The following TLK2 variants were observed in gnomAD, a reference collection of about 807,000 sequenced individuals.
TLK2 encodes the protein serine/threonine-protein kinase tousled-like 2.
Under a neutral mutation model 117.3 loss-of-function variants are expected in TLK2, and 6 were observed. The observed-to-expected ratio is 0.05, with a 90% CI of 0.03 to 0.10. TLK2 has a LOEUF of 0.10. Ranked by LOEUF, TLK2 falls within the 10% of genes least tolerant of loss-of-function variation. The probability of loss-of-function intolerance (pLI) is 1.00; values close to 1 mark genes in which losing one functional copy is unlikely to be tolerated. For missense variants in TLK2, 299 were observed against 901.2 expected (o/e 0.33, Z 8.56); for synonymous variants, 257 against 316.7 (o/e 0.81, Z 2.00).
chr17:62,481,110 T>C lies in TLK2; in HGVS notation c.-5-11T>C. The C allele has an allele frequency of 6.2e-7, 1 of 1,613,568 alleles. No homozygotes were observed. The highest frequency in any genetic ancestry group is 1.1e-5 in the South Asian group (1 of 91,010). On this transcript the variant is annotated splice_polypyrimidine_tract_variant and intron_variant, in intron 1 of 21. Transcript: ENST00000346027. The stretch of plus-strand genomic sequence containing the variant: ...TGTTTATGGTTTCACAGCCTACTTT[T>C]TCTTTTTCAGCAGAAATGATGGAAG...
Position 62,471,888 on chromosome 17 carries a change from C to CTTTTTTTTTTTTTTTTTTT in TLK2, c.-205+821_-205+839dup, listed in dbSNP as rs869092720. 2.1e-4 allele frequency among the ~76,000 whole-genome samples: 8 copies of CTTTTTTTTTTTTTTTTTTT among 37,778 alleles called. 4 individuals are homozygous for CTTTTTTTTTTTTTTTTTTT. Among genetic ancestry groups the CTTTTTTTTTTTTTTTTTTT allele is most frequent in the Non-Finnish European group, 2.6e-4 (6 of 22,926 alleles). 24.8% of individuals were successfully genotyped at this position (37,778 alleles called of 152,430 possible). A position where few individuals can be genotyped will look rare whatever the true frequency, so the allele number is the denominator to read the frequency against. The stretch of plus-strand genomic sequence containing the variant: ...GGCATGGAAGATTAGGTAGTATAGT[C>CTTTTTTTTTTTTTTTTTTT]TTTTTTTTTTTTTTTTTTTTTTTTT... On this transcript the variant is annotated intron_variant, in intron 1 of 4. Transcript: ENST00000579450.
At chr17:62,606,290 C>T (rs1276811248) in intron 20 of TLK2, 49 bp downstream of exon 20, 2 of 1,118,962 alleles carry the variant, frequency 1.8e-6, no homozygotes, top group Non-Finnish European at 2.6e-6. Context: ...TTGGGTGGCA[C>T]ACACACACAC....
chr17:62,585,415 G>T (rs2081540120), intron 15 of TLK2, among the ~76,000 whole-genome samples: 1 of 152,226 alleles, frequency 6.6e-6, no homozygotes, highest in Non-Finnish European at 1.5e-5. Flanking sequence ...GTGCGTGCCT[G>T]TAATCCCAGC....
At chr17:62,522,767 A>G in intron 4 of TLK2, among the ~76,000 whole-genome samples, 1 of 152,216 alleles carries the variant, frequency 6.6e-6, no homozygotes, top group East Asian at 1.9e-4. Flanking sequence ...GAAAGAAAAA[A>G]TGGCTTGGCT....
chr17:62,598,247 C>T (rs1598853597), intron 17 of TLK2, among the ~76,000 whole-genome samples: 2 of 151,214 alleles, frequency 1.3e-5, no homozygotes, highest in South Asian at 4.1e-4. Context: ...ACTAGGTAGA[C>T]CCCCCTCTCT....
chr17:62,525,499 A>C (rs2076313526), intron 6 of TLK2, among the ~76,000 whole-genome samples: 1 of 150,258 alleles, frequency 6.7e-6, no homozygotes, highest in Non-Finnish European at 1.5e-5. Flanking sequence ...CTCAGGCTAG[A>C]GTGCAGTGGT....
intron 2 of TLK2, among the ~76,000 whole-genome samples, chr17:62,490,688 C>T (rs565834827): frequency 2.6e-5 from 4 of 151,890 alleles, no homozygotes; most frequent in South Asian, 2.1e-4. Context: ...ACTATAGGCA[C>T]GCGCCACCGC....
Position 62,494,646 on chromosome 17 carries a change from C to G in TLK2, c.81+13440C>G, listed in dbSNP as rs547743529. On this transcript the variant is annotated intron_variant, in intron 2 of 21. Transcript: ENST00000346027. ...GGTGATCCACCCGTCTCAAGTGATT[C>G]ACCTGCCTTGGCCTCCCAAAGTGCT... is the stretch of plus-strand genomic sequence containing the variant. Among the ~76,000 whole-genome samples the G allele has an allele frequency of 4.0e-5, 6 of 151,794 alleles. No homozygotes were observed. In the East Asian group the frequency reaches 1.2e-3, roughly 30 times the overall value.
chr17:62,541,756 G>T (rs1369772224), intron 7 of TLK2, among the ~76,000 whole-genome samples: 3 of 23,972 alleles, frequency 1.3e-4, no homozygotes, highest in Non-Finnish European at 7.7e-4. Context: ...TTCCAGAGTA[G>T]CTGCAACTAG....
At chr17:62,472,977 C>T (rs2070969710) in intron 1 of TLK2, among the ~76,000 whole-genome samples, 1 of 152,160 alleles carries the variant, frequency 6.6e-6, no homozygotes, top group African/African-American at 2.4e-5. Context: ...ATTCACACAC[C>T]ACACCACAAA....
intron 2 of TLK2, among the ~76,000 whole-genome samples, chr17:62,496,410 A>T (rs1262072964): frequency 6.6e-6 from 1 of 152,170 alleles, no homozygotes; most frequent in Non-Finnish European, 1.5e-5. Flanking sequence ...ATTCAGATAC[A>T]TTTACAGGAT....
intron 2 of TLK2, among the ~76,000 whole-genome samples, chr17:62,491,201 A>G (rs1258632766): frequency 6.6e-6 from 1 of 152,288 alleles, no homozygotes; most frequent in East Asian, 1.9e-4. Context: ...TTCACTTCTC[A>G]TCTGCTTCCT....
chr17:62,528,063 T>C (rs2076500092), intron 6 of TLK2, among the ~76,000 whole-genome samples: 1 of 152,146 alleles, frequency 6.6e-6, no homozygotes, highest in African/African-American at 2.4e-5. Flanking sequence ...CTCATAAGAA[T>C]GGGGATTTTG....
At chr17:62,569,159 G>A (rs2080057995) in intron 11 of TLK2, among the ~76,000 whole-genome samples, 1 of 151,308 alleles carries the variant, frequency 6.6e-6, no homozygotes, top group Non-Finnish European at 1.5e-5. Context: ...ACAAAAATTA[G>A]CCGGGCATGG....
intron 7 of TLK2, among the ~76,000 whole-genome samples, chr17:62,549,255 C>T (rs1409791233): frequency 2.8e-4 from 41 of 146,470 alleles, no homozygotes; most frequent in Non-Finnish European, 4.2e-4. Context: ...AAAAATTACC[C>T]GGGAGTGGTG....
At chr17:62,534,636 T>C (rs1426267975) in intron 6 of TLK2, among the ~76,000 whole-genome samples, 2 of 152,116 alleles carry the variant, frequency 1.3e-5, no homozygotes, top group Non-Finnish European at 2.9e-5. Context: ...CTTGGTTTCC[T>C]TTGTGAATGG....
At chr17:62,518,892 T>A (rs1166006865) in intron 2 of TLK2, among the ~76,000 whole-genome samples, 1 of 152,182 alleles carries the variant, frequency 6.6e-6, no homozygotes, top group Non-Finnish European at 1.5e-5. Flanking sequence ...ACTGTTTTGT[T>A]TTGAGACAAG....
chr17:62,483,773 G>T (rs1598111095), intron 2 of TLK2, among the ~76,000 whole-genome samples: 1 of 152,066 alleles, frequency 6.6e-6, no homozygotes, highest in Non-Finnish European at 1.5e-5. Context: ...AGAGTGTTGG[G>T]ATTACAGGCA....
intron 8 of TLK2, 81 bp from the exon 9 acceptor site, chr17:62,553,582 C>T (rs570969198): frequency 2.7e-4 from 264 of 979,738 alleles, no homozygotes; most frequent in Non-Finnish European, 3.7e-4. Flanking sequence ...CCCACCCCCC[C>T]GAGAAAGGTA....
Sources: allele counts gnomAD v4.1 joint callset (sites outside exome capture counted in the v4.1 genomes callset), GRCh38; gene constraint gnomAD v4.1.1; transcripts MANE v1.5; gene names NCBI Gene and HGNC (gene_info 2026-07-23, HGNC 2026-07-21).